B3GNT2: variants seen among roughly 807,000 people sequenced by gnomAD.
B3GNT2 encodes N-acetyllactosaminide beta-1,3-N-acetylglucosaminyltransferase 2.
Under a neutral mutation model 27.6 loss-of-function variants are expected in B3GNT2, and 12 were observed. That is an observed-to-expected ratio of 0.44 (90% CI 0.28 to 0.71). The LOEUF is 0.71. Ranked by LOEUF, B3GNT2 falls within the 30% of genes least tolerant of loss-of-function variation. B3GNT2 has a pLI of 0.17. For missense variants in B3GNT2, 413 were observed against 488.5 expected, an observed-to-expected ratio of 0.85 and a Z score of 1.46; for synonymous variants, 192 against 189.7, an observed-to-expected ratio of 1.01 and a Z score of -0.10.
intron 1 of B3GNT2, among the ~76,000 whole-genome samples, chr2:62,201,888 A>G (rs1240030910): frequency 6.6e-6 from 1 of 152,224 alleles, no homozygotes; most frequent in Non-Finnish European, 1.5e-5. Flanking sequence ...AGAGATGTCT[A>G]GCAGAGAAGG....
chr2:62,204,088 A>G (rs553655677), intron 1 of B3GNT2, among the ~76,000 whole-genome samples: 2 of 152,254 alleles, frequency 1.3e-5, no homozygotes, highest in African/African-American at 2.4e-5. Flanking sequence ...GCGCAATGGC[A>G]TGACCTTGGC....
intron 1 of B3GNT2, among the ~76,000 whole-genome samples, chr2:62,214,552 C>T (rs1352847919): frequency 1.3e-5 from 2 of 152,152 alleles, no homozygotes; most frequent in African/African-American, 2.4e-5. Context: ...CATGAACCCT[C>T]CTTTTGGAGG....
intron 1 of B3GNT2, among the ~76,000 whole-genome samples, chr2:62,197,226 T>C (rs1458841823): frequency 6.6e-6 from 1 of 152,010 alleles, no homozygotes; most frequent in Non-Finnish European, 1.5e-5. Flanking sequence ...GACTGGCGGC[T>C]ACTCCAGCAC....
chr2:62,213,343 G>A (rs1018059410), intron 1 of B3GNT2, among the ~76,000 whole-genome samples: 1 of 152,084 alleles, frequency 6.6e-6, no homozygotes, highest in Non-Finnish European at 1.5e-5. Flanking sequence ...ATGCCCCCAG[G>A]TTGCAAATCT....
At chr2:62,203,238 G>A (rs999134362) in intron 1 of B3GNT2, among the ~76,000 whole-genome samples, 1 of 152,110 alleles carries the variant, frequency 6.6e-6, no homozygotes. Flanking sequence ...ATATGTATGT[G>A]TGTTGTTTGG....
At chr2:62,219,588 A>C (rs142191020) in intron 1 of B3GNT2, among the ~76,000 whole-genome samples, 1 of 152,256 alleles carries the variant, frequency 6.6e-6, no homozygotes, top group Non-Finnish European at 1.5e-5. Flanking sequence ...CCCCTTTGCA[A>C]ATCTTTTTCT....
chr2:62,212,915 CAGAG>C (rs1159587184), intron 1 of B3GNT2, among the ~76,000 whole-genome samples: 1 of 152,122 alleles, frequency 6.6e-6, no homozygotes, highest in Non-Finnish European at 1.5e-5. Context: ...AAGGATGAAT[CAGAG>C]AGAAGTCTTT....
At chr2:62,214,261 G>A (rs1252258458) in intron 1 of B3GNT2, among the ~76,000 whole-genome samples, 2 of 152,142 alleles carry the variant, frequency 1.3e-5, no homozygotes, top group African/African-American at 4.8e-5. Flanking sequence ...TGTGTCCAGG[G>A]GACTGAAGAC....
chr2:62,205,021 C>T (rs542832875), intron 1 of B3GNT2, among the ~76,000 whole-genome samples: 18 of 152,264 alleles, frequency 1.2e-4, no homozygotes, highest in African/African-American at 3.4e-4. Flanking sequence ...TTAGAGATAG[C>T]GGAGGCTGGG....
chr2:62,203,506 A>G (rs1674309544), intron 1 of B3GNT2, among the ~76,000 whole-genome samples: 1 of 151,980 alleles, frequency 6.6e-6, no homozygotes, highest in Admixed American at 6.6e-5. Flanking sequence ...ATGCAAGAGA[A>G]CCCTGGGGGT....
intron 1 of B3GNT2, among the ~76,000 whole-genome samples, chr2:62,201,113 AG>A (rs1674256741): frequency 6.6e-6 from 1 of 152,238 alleles, no homozygotes; most frequent in Non-Finnish European, 1.5e-5. Flanking sequence ...TGATAACTAA[AG>A]CAACTAGATC....
At chr2:62,200,842 T>A (rs1453316655) in intron 1 of B3GNT2, among the ~76,000 whole-genome samples, 3 of 152,250 alleles carry the variant, frequency 2.0e-5, no homozygotes, top group Admixed American at 2.0e-4. Flanking sequence ...TAGTCTTTTG[T>A]GAAATAGGCT....
At chr2:62,202,006 C>G (rs1333187463) in intron 1 of B3GNT2, among the ~76,000 whole-genome samples, 1 of 152,238 alleles carries the variant, frequency 6.6e-6, no homozygotes, top group African/African-American at 2.4e-5. Flanking sequence ...AGAGGGTCCC[C>G]TGGTCTCCAG....
intron 1 of B3GNT2, among the ~76,000 whole-genome samples, chr2:62,215,990 G>C (rs1303215960): frequency 6.6e-6 from 1 of 152,188 alleles, no homozygotes; most frequent in African/African-American, 2.4e-5. Context: ...GGTCTGGCTT[G>C]TACGTATTGC....
intron 1 of B3GNT2, among the ~76,000 whole-genome samples, chr2:62,203,056 T>C (rs1192891985): frequency 1.3e-5 from 2 of 152,210 alleles, no homozygotes; most frequent in Non-Finnish European, 2.9e-5. Context: ...ATCTAAGTGT[T>C]TATCAACCTT....
At chr2:62,217,686 G>A (rs1674603085) in intron 1 of B3GNT2, among the ~76,000 whole-genome samples, 1 of 152,170 alleles carries the variant, frequency 6.6e-6, no homozygotes, top group Admixed American at 6.5e-5. Context: ...CCCAGCGTGC[G>A]GCGGAAGAGG....
chr2:62,218,071 G>A (rs1674608624), intron 1 of B3GNT2, among the ~76,000 whole-genome samples: 1 of 152,156 alleles, frequency 6.6e-6, no homozygotes, highest in Non-Finnish European at 1.5e-5. Flanking sequence ...TTTGGGGTGA[G>A]TTTTCTTAAA....
At chr2:62,218,690 A>G (rs1674621934) in intron 1 of B3GNT2, among the ~76,000 whole-genome samples, 1 of 152,198 alleles carries the variant, frequency 6.6e-6, no homozygotes, top group Non-Finnish European at 1.5e-5. Context: ...CTTGTCACGT[A>G]ACTCTTCCAT....
chr2:62,209,750 A>G (rs1023812782), intron 1 of B3GNT2, among the ~76,000 whole-genome samples: 3 of 152,104 alleles, frequency 2.0e-5, no homozygotes, highest in Admixed American at 6.5e-5. Flanking sequence ...CACTGTCCCA[A>G]CCCTGTGGCA....
Sources: gnomAD v4.1 joint callset for allele counts (sites outside exome capture counted in the v4.1 genomes callset) on GRCh38, gnomAD v4.1.1 for gene constraint, MANE v1.5 for transcripts, NCBI Gene and HGNC (gene_info 2026-07-23, HGNC 2026-07-21) for gene names.